Variants in SLC24A2 observed in about 807,000 individuals in gnomAD.
SLC24A2 encodes sodium/potassium/calcium exchanger 2.
SLC24A2 carries 36 observed loss-of-function variants against 62.0 expected under a neutral mutation model. The observed-to-expected ratio is 0.58, with a 90% CI of 0.44 to 0.77. SLC24A2 has a LOEUF of 0.77. Among genes scored for constraint, SLC24A2 ranks in the 30% least tolerant of loss-of-function variants. The probability of loss-of-function intolerance (pLI) is 0.00; values close to 1 mark genes in which losing one functional copy is unlikely to be tolerated. For missense variants in SLC24A2, 846 were observed against 817.9 expected (o/e 1.03, Z -0.42); for synonymous variants, 358 against 294.0 (o/e 1.22, Z -2.23).
At chr9:20,185,622 G>A in the SLC24A2 span, among the ~76,000 whole-genome samples, 3 of 146,172 alleles carry the variant, frequency 2.1e-5, no homozygotes, top group African/African-American at 7.6e-5. Flanking sequence ...CCGAGGTTGC[G>A]CCACTGCACT....
At chr9:19,853,658 C>T in the SLC24A2 span, among the ~76,000 whole-genome samples, 4 of 152,134 alleles carry the variant, frequency 2.6e-5, no homozygotes, top group Admixed American at 2.0e-4. Flanking sequence ...GGAATGAAGC[C>T]AACTTGATCA....
the SLC24A2 span, among the ~76,000 whole-genome samples, chr9:20,172,193 T>C: frequency 1.3e-5 from 2 of 151,970 alleles, no homozygotes; most frequent in African/African-American, 4.8e-5. Context: ...ACCTCTGGGA[T>C]ATAGCAAAGG....
the SLC24A2 span, among the ~76,000 whole-genome samples, chr9:20,013,278 G>A: frequency 6.6e-6 from 1 of 151,754 alleles, no homozygotes; most frequent in South Asian, 2.1e-4. Flanking sequence ...ACCAATTTTT[G>A]ACAAAAAGTT....
chr9:19,629,842 T>C (rs1465395094), intron 2 of SLC24A2, among the ~76,000 whole-genome samples: 1 of 152,212 alleles, frequency 6.6e-6, no homozygotes, highest in Non-Finnish European at 1.5e-5. Flanking sequence ...TAGTCACTCT[T>C]GGTGTTTAAA....
At chr9:19,709,653 G>C (rs1483471556) in intron 2 of SLC24A2, among the ~76,000 whole-genome samples, 1 of 150,206 alleles carries the variant, frequency 6.7e-6, no homozygotes, top group East Asian at 2.0e-4. Flanking sequence ...ACTATCGCAA[G>C]GACAAAAAAC....
At chr9:20,147,918 A>G in the SLC24A2 span, among the ~76,000 whole-genome samples, 1 of 152,108 alleles carries the variant, frequency 6.6e-6, no homozygotes, top group Non-Finnish European at 1.5e-5. Context: ...GTCTCAGAGG[A>G]GGACTGGGAA....
chr9:19,958,922 C>G, the SLC24A2 span, among the ~76,000 whole-genome samples: 1 of 152,260 alleles, frequency 6.6e-6, no homozygotes, highest in African/African-American at 2.4e-5. Flanking sequence ...ATACATGATT[C>G]TTTGGGATGT....
intron 10 of SLC24A2, among the ~76,000 whole-genome samples, chr9:19,517,357 G>C (rs1223956525): frequency 6.6e-6 from 1 of 152,208 alleles, no homozygotes; most frequent in Non-Finnish European, 1.5e-5. Flanking sequence ...AAAGCTAAGG[G>C]AGGTTCAGTT....
intron 2 of SLC24A2, among the ~76,000 whole-genome samples, chr9:19,697,069 A>G (rs1820214556): frequency 6.6e-6 from 1 of 152,200 alleles, no homozygotes; most frequent in Non-Finnish European, 1.5e-5. Flanking sequence ...TATATTTGAA[A>G]TATTTAGCAG....
chr9:19,641,702 A>T (rs1279334615), intron 2 of SLC24A2, among the ~76,000 whole-genome samples: 1 of 152,060 alleles, frequency 6.6e-6, no homozygotes, highest in Non-Finnish European at 1.5e-5. Context: ...TTTAGCAAAG[A>T]CAGGGTTAAA....
chr9:20,302,936 T>C, the SLC24A2 span, among the ~76,000 whole-genome samples: 1 of 152,210 alleles, frequency 6.6e-6, no homozygotes, highest in Non-Finnish European at 1.5e-5. Context: ...GTGCACTTTT[T>C]GGATTATTTC....
chr9:19,757,544 T>A (rs1822180497), intron 2 of SLC24A2, among the ~76,000 whole-genome samples: 2 of 152,066 alleles, frequency 1.3e-5, no homozygotes, highest in African/African-American at 2.4e-5. Flanking sequence ...CAATGATAAT[T>A]AAAAATTAGC....
chr9:19,845,760 T>A, the SLC24A2 span, among the ~76,000 whole-genome samples: 110 of 152,292 alleles, frequency 7.2e-4, no homozygotes, highest in East Asian at 5.0e-3. Flanking sequence ...CTGCTTTTGT[T>A]GCATTCCAGA....
the SLC24A2 span, among the ~76,000 whole-genome samples, chr9:19,823,048 C>T: frequency 6.6e-6 from 1 of 152,072 alleles, no homozygotes; most frequent in African/African-American, 2.4e-5. Context: ...CCAGTAAAAT[C>T]TTTTCCAATT....
intron 2 of SLC24A2, among the ~76,000 whole-genome samples, chr9:19,658,608 C>G (rs1819007768): frequency 6.6e-6 from 1 of 152,162 alleles, no homozygotes; most frequent in Non-Finnish European, 1.5e-5. Flanking sequence ...CTCTGTTTGC[C>G]CCTCCATATC....
chr9:19,752,589 C>T (rs781736536), intron 2 of SLC24A2, among the ~76,000 whole-genome samples: 25 of 152,106 alleles, frequency 1.6e-4, no homozygotes, highest in Non-Finnish European at 1.6e-4. Flanking sequence ...TTAAACTCAC[C>T]GAGCCTCAGT....
chr9:19,524,418 C>CAA (rs34416897), intron 9 of SLC24A2, among the ~76,000 whole-genome samples: 2,160 of 118,962 alleles, frequency 0.018, 29 homozygotes, highest in East Asian at 0.025. Flanking sequence ...AAGATAAAGG[C>CAA]AAAAAAAAAA....
the SLC24A2 span, among the ~76,000 whole-genome samples, chr9:19,954,873 G>T: frequency 6.6e-6 from 1 of 152,088 alleles, no homozygotes; most frequent in Non-Finnish European, 1.5e-5. Flanking sequence ...CAATCCTGTG[G>T]GTTAACAATT....
chr9:19,828,379 C>G, the SLC24A2 span, among the ~76,000 whole-genome samples: 1 of 152,064 alleles, frequency 6.6e-6, no homozygotes, highest in East Asian at 1.9e-4. Flanking sequence ...GTGCCTGTAT[C>G]AAAACATCAC....
Sources: allele counts gnomAD v4.1 joint callset (sites outside exome capture counted in the v4.1 genomes callset), GRCh38; gene constraint gnomAD v4.1.1; transcripts MANE v1.5; gene names NCBI Gene and HGNC (gene_info 2026-07-23, HGNC 2026-07-21).